COL24A1: variants seen among roughly 807,000 people sequenced by gnomAD.
COL24A1 encodes the protein collagen alpha-1(XXIV) chain.
In COL24A1, 224 loss-of-function variants were observed where a neutral mutation model predicts 253.9. The ratio of observed to expected loss-of-function variants is 0.88; its 90% confidence interval spans 0.79 to 0.99. The LOEUF is 0.99. Ranked by LOEUF, COL24A1 falls within the 50% of genes least tolerant of loss-of-function variation. The pLI is 0.00. For synonymous variants in COL24A1, 685 were observed against 673.7 expected (o/e 1.02, Z -0.26); for missense variants, 2,131 against 2,068.5 (o/e 1.03, Z -0.59).
At chr1:85,769,628 C>T (rs1039998152) in intron 53 of COL24A1, among the ~76,000 whole-genome samples, 7 of 151,876 alleles carry the variant, frequency 4.6e-5, no homozygotes, top group African/African-American at 1.2e-4. Context: ...CCAGGAAGTG[C>T]GACGAGAGAA....
chr1:86,003,959 C>T lies in COL24A1; in HGVS notation c.2310+13192G>A, dbSNP rs200840868. Among the ~76,000 whole-genome samples the T allele has an allele frequency of 6.6e-5, 10 of 152,134 alleles. No individual in the cohort carries two copies. In the East Asian group the frequency reaches 1.9e-3, roughly 29 times the overall value. On this transcript the variant is annotated intron_variant, in intron 19 of 59. Transcript: ENST00000370571. Reference sequence around the variant, plus strand: ...ACTTGGCCAGTTGACATTAGCCAGCCTTCATCTTTGGTCACTCCCAGATTG... The same window carrying T: ...ACTTGGCCAGTTGACATTAGCCAGCTTTCATCTTTGGTCACTCCCAGATTG...
chr1:85,856,170 T>C (rs1391113830), intron 37 of COL24A1, among the ~76,000 whole-genome samples: 2 of 152,224 alleles, frequency 1.3e-5, no homozygotes, highest in Non-Finnish European at 2.9e-5. Flanking sequence ...GTTGACCTTT[T>C]GTATGTTTTA....
At chr1:85,972,426 T>C in intron 20 of COL24A1, among the ~76,000 whole-genome samples, 1 of 152,182 alleles carries the variant, frequency 6.6e-6, no homozygotes, top group East Asian at 1.9e-4. Flanking sequence ...TATAGTATTG[T>C]AAGCTTATTA....
chr1:85,813,271 G>A (rs1232044865), intron 47 of COL24A1, among the ~76,000 whole-genome samples: 3 of 151,914 alleles, frequency 2.0e-5, no homozygotes, highest in Non-Finnish European at 4.4e-5. Context: ...ATTTTAGGGG[G>A]AGGGGAATGA....
At chr1:86,091,562 C>T (rs1280545840) in intron 6 of COL24A1, among the ~76,000 whole-genome samples, 1 of 152,054 alleles carries the variant, frequency 6.6e-6, no homozygotes, top group African/African-American at 2.4e-5. Context: ...CAAAACTTCC[C>T]AGATGTCCTC....
intron 37 of COL24A1, among the ~76,000 whole-genome samples, chr1:85,858,438 C>T (rs527979072): frequency 1.3e-5 from 2 of 152,194 alleles, no homozygotes; most frequent in Admixed American, 6.5e-5. Flanking sequence ...AGGGCCTTTG[C>T]GTTAGATATT....
At chr1:85,762,649 A>G (rs1162888535) in intron 53 of COL24A1, among the ~76,000 whole-genome samples, 2 of 152,212 alleles carry the variant, frequency 1.3e-5, no homozygotes, top group East Asian at 1.9e-4. Context: ...CAGAAATGTC[A>G]CATTGGAGAT....
intron 37 of COL24A1, among the ~76,000 whole-genome samples, chr1:85,855,742 C>A (rs1350713264): frequency 3.3e-5 from 5 of 152,102 alleles, no homozygotes; most frequent in African/African-American, 1.2e-4. Flanking sequence ...CCCTCCTATT[C>A]AATTTTTTGG....
intron 37 of COL24A1, among the ~76,000 whole-genome samples, chr1:85,863,044 T>C (rs150632021): frequency 6.6e-6 from 1 of 152,326 alleles, no homozygotes; most frequent in African/African-American, 2.4e-5. Context: ...CCCTTGTAAG[T>C]TGGATTTCTA....
intron 5 of COL24A1, among the ~76,000 whole-genome samples, chr1:86,099,462 G>T (rs533613939): frequency 6.6e-6 from 1 of 152,186 alleles, no homozygotes; most frequent in African/African-American, 2.4e-5. Context: ...TCTTTAAAAT[G>T]ATTAATGAAA....
At chr1:85,843,088 T>C (rs935155775) in intron 39 of COL24A1, among the ~76,000 whole-genome samples, 2 of 152,168 alleles carry the variant, frequency 1.3e-5, no homozygotes, top group African/African-American at 4.8e-5. Flanking sequence ...TTGACTCTCC[T>C]ATTTGAGTCT....
chr1:85,754,770 A>ACTCC (rs1666031440), intron 55 of COL24A1, among the ~76,000 whole-genome samples: 2 of 152,010 alleles, frequency 1.3e-5, no homozygotes, highest in African/African-American at 4.8e-5. Context: ...TATTGAGATT[A>ACTCC]TCCTGTTTGA....
Position 85,828,569 on chromosome 1 carries a change from C to T in COL24A1, c.3682-4831G>A, listed in dbSNP as rs1413718540. 1.1e-4 allele frequency among the ~76,000 whole-genome samples: 16 copies of T among 151,324 alleles called. No homozygotes were observed. The East Asian group carries it at 1.4e-3, about 13-fold the overall frequency. On this transcript the variant is annotated intron_variant, in intron 43 of 59. Transcript: ENST00000370571. ...TTGTGTGGGAGTCTAAGTCTCTTTG[C>T]AGGTCACTCAGGACTTGCTTTGTGA...
intron 19 of COL24A1, among the ~76,000 whole-genome samples, chr1:86,003,644 A>C (rs933527199): frequency 1.8e-4 from 27 of 152,170 alleles, no homozygotes; most frequent in Admixed American, 4.6e-4. Context: ...GAAAAAAGTC[A>C]TCCTAAGGGG....
At chr1:85,933,505 CT>C (rs1687988421) in intron 24 of COL24A1, among the ~76,000 whole-genome samples, 1 of 152,172 alleles carries the variant, frequency 6.6e-6, no homozygotes, top group African/African-American at 2.4e-5. Context: ...TTCTAGATAG[CT>C]TTCCTACACT....
chr1:85,939,584 A>T (rs1688544044), intron 24 of COL24A1, among the ~76,000 whole-genome samples: 1 of 152,152 alleles, frequency 6.6e-6, no homozygotes, highest in Non-Finnish European at 1.5e-5. Flanking sequence ...CTTCATACTA[A>T]GTAATAAATC....
At chr1:85,826,083 T>C (rs1392871285) in intron 43 of COL24A1, among the ~76,000 whole-genome samples, 1 of 139,080 alleles carries the variant, frequency 7.2e-6, no homozygotes, top group South Asian at 2.5e-4. Flanking sequence ...CTTTAATCCA[T>C]CTTGAATTGA....
chr1:85,851,155 C>T (rs948806245), intron 37 of COL24A1, among the ~76,000 whole-genome samples: 1 of 151,840 alleles, frequency 6.6e-6, no homozygotes, highest in Admixed American at 6.6e-5. Flanking sequence ...AATAATTTTA[C>T]TCCATTTGTA....
At position 85,907,211 on chromosome 1, in the gene COL24A1, C is replaced by T. The variant is rs909386527; in HGVS notation, c.2761G>A (p.Gly921Ser). The T allele has an allele frequency of 9.9e-6, 16 of 1,611,018 alleles. No homozygotes were observed. In the Admixed American group the frequency reaches 1.0e-4, roughly 10 times the overall value. Reference protein sequence around the residue: ...VGARGPPGSQGPKGQRGSRGP... With the variant: ...VGARGPPGSQSPKGQRGSRGP... ...TTACTTACTCTTTGTCCTTTAGGAC[C>T]TTGACTCCCAGGTGGTCCTCTTGCC... The change falls in exon 28 of 60, where the codon GGT becomes AGT. Residue 921 changes from glycine (G) to serine (S), a missense_variant. By Grantham distance (56) the Gly-to-Ser change is moderately conservative. Transcript: ENST00000370571.
Sources: allele counts gnomAD v4.1 joint callset (sites outside exome capture counted in the v4.1 genomes callset), GRCh38; gene constraint gnomAD v4.1.1; transcripts MANE v1.5; gene names NCBI Gene and HGNC (gene_info 2026-07-23, HGNC 2026-07-21).